DOT1L: variants seen among roughly 807,000 people sequenced by gnomAD.
DOT1L encodes the protein histone-lysine N-methyltransferase, H3 lysine-79 specific.
DOT1L carries 33 observed loss-of-function variants against 153.3 expected under a neutral mutation model. The observed-to-expected ratio is 0.22, with a 90% confidence interval of 0.16 to 0.29. The LOEUF (loss-of-function observed/expected upper bound fraction) is 0.29, where lower values mean the gene tolerates loss of function less well. DOT1L is among the 10% of genes least tolerant of loss of function. The pLI, the probability that DOT1L is intolerant of heterozygous loss-of-function variation, is 1.00. For missense variants in DOT1L, 1,847 were observed against 2,119.9 expected, an observed-to-expected ratio of 0.87 and a Z score of 2.53; for synonymous variants, 1,135 against 965.1, an observed-to-expected ratio of 1.18 and a Z score of -3.26.
Position 2,210,424 on chromosome 19 carries a change from C to T in DOT1L, c.1030C>T (p.Arg344Cys). The T allele has an allele frequency of 3.2e-6, 5 of 1,553,756 alleles. No homozygotes were observed. The highest frequency in any genetic ancestry group is 4.3e-6 in the Non-Finnish European group (5 of 1,152,802). Residue 344 changes from arginine to cysteine, a missense_variant, in exon 13 of 28, where the codon CGC (arginine) becomes TGC (cysteine). Transcript: ENST00000398665. ...GGAGGAACAGGAGGCAGCCCGGCGC[C>T]GCCAGCAGCGCGAGAGCAAGAGCAA... ...LREEQEAARR[R>C]QQRESKSNAA...
In DOT1L at chr19:2,214,527, G is replaced by A; in HGVS notation, c.1854G>A (p.Lys618=). ...ACTGGGCCACGCTGTCGCTGGAGAA[G>A]CTGTTGAAGGAGAAGCAGGCCCTGA... is the stretch of plus-strand genomic sequence containing the variant. ...QLDWATLSLE[K]LLKEKQALKS... The change falls in exon 19 of 28, where the codon AAG becomes AAA. Residue 618 remains lysine (K), a synonymous_variant. Transcript: ENST00000398665. 6.2e-7 allele frequency: 1 copy of A among 1,613,278 alleles called. No homozygotes were observed. The highest frequency in any genetic ancestry group is 8.5e-7 in the Non-Finnish European group (1 of 1,179,938).
Position 2,230,025 on chromosome 19 carries a change from T to G in DOT1L, c.*233T>G, listed in dbSNP as rs2024530069. ...TCATTTTTTAAAAAGTATAAACAAT[T>G]CTGACTTATTTTATTCCATCTAAGT... On this transcript the variant is annotated 3_prime_UTR_variant, in exon 28 of 28. Transcript: ENST00000398665. The G allele has an allele frequency of 1.5e-6, 1 of 677,964 alleles. No individual in the cohort carries two copies. Among genetic ancestry groups the G allele is most frequent in the Non-Finnish European group, 2.4e-6 (1 of 412,672 alleles). 42.0% of individuals were successfully genotyped at this position (677,964 alleles called of 1,614,324 possible). A position where few individuals can be genotyped will look rare whatever the true frequency, so the allele number is the denominator to read the frequency against.
At chr19:2,199,031 C>T (rs908622016) in intron 7 of DOT1L, among the ~76,000 whole-genome samples, 11 of 152,148 alleles carry the variant, frequency 7.2e-5, no homozygotes, top group East Asian at 5.8e-4. Context: ...CATTTGTGTC[C>T]GGGCTTTTGT....
intron 1 of DOT1L, among the ~76,000 whole-genome samples, chr19:2,172,459 G>A (rs1406775256): frequency 6.6e-6 from 1 of 151,008 alleles, no homozygotes; most frequent in Non-Finnish European, 1.5e-5. Flanking sequence ...AAAGTGCTGG[G>A]ATCACAGGTG....
At chr19:2,214,929 C>T (rs1269651710) in intron 19 of DOT1L, among the ~76,000 whole-genome samples, 2 of 152,166 alleles carry the variant, frequency 1.3e-5, no homozygotes, top group South Asian at 2.1e-4. Flanking sequence ...ATTAGAAAAA[C>T]AGCTGGATCG....
chr19:2,223,613 G>A (rs1032635221), intron 25 of DOT1L, 127 bp downstream of exon 25: 8 of 1,109,760 alleles, frequency 7.2e-6, no homozygotes, highest in African/African-American at 3.2e-5. Context: ...CTGGATGGGA[G>A]GAAGGCGTCT....
In DOT1L at chr19:2,190,458, A is replaced by G. The variant is rs888922053; in HGVS notation, c.265-554A>G. Among the ~76,000 whole-genome samples, 1 of 151,994 alleles carries G rather than the reference A, an allele frequency of 6.6e-6. No individual in the cohort carries two copies. Among genetic ancestry groups the G allele is most frequent in the Admixed American group, 6.6e-5 (1 of 15,260 alleles). On this transcript the variant is annotated intron_variant, in intron 4 of 27. Transcript: ENST00000398665. The surrounding 1 kb of genome is among the most constrained non-coding windows in gnomAD (Gnocchi z 4.8). ...CTGGGCTGGGCTGGGCTGCCCCATCAGCCTGCCACCCGGCTCTGGCTTCCC... is the reference window on the plus strand; with the variant it reads ...CTGGGCTGGGCTGGGCTGCCCCATCGGCCTGCCACCCGGCTCTGGCTTCCC...
intron 1 of DOT1L, among the ~76,000 whole-genome samples, chr19:2,175,293 G>A (rs1487683266): frequency 1.3e-5 from 2 of 151,952 alleles, no homozygotes; most frequent in Non-Finnish European, 2.9e-5. Flanking sequence ...GAGCCATGGC[G>A]CCTGGCCGAT....
rs143343585 is a variant in DOT1L at position 2,167,823 on chromosome 19, C to A, written c.81+3558C>A. On this transcript the variant is annotated intron_variant, in intron 1 of 27. Transcript: ENST00000398665. ...CAATCTCCACTCACTGCAAGCTCCG[C>A]CTCCCAGGTTTCAGTGATTCTCCTG... Among the ~76,000 whole-genome samples the A allele has an allele frequency of 6.3e-4, 96 of 151,820 alleles. 1 individual carries two copies. The East Asian group carries it at 0.017, about 27-fold the overall frequency.
intron 1 of DOT1L, among the ~76,000 whole-genome samples, chr19:2,167,117 T>C (rs954600564): frequency 6.6e-5 from 10 of 152,212 alleles, no homozygotes; most frequent in Non-Finnish European, 4.4e-5. Flanking sequence ...GACTGTGGGC[T>C]GTTTCCAATT....
In DOT1L at chr19:2,227,008, C is replaced by T. The variant is rs2144938796; in HGVS notation, c.4487C>T (p.Ser1496Leu). The T allele has an allele frequency of 6.3e-7, 1 of 1,591,934 alleles. No homozygotes were observed. The highest frequency in any genetic ancestry group is 8.5e-7 in the Non-Finnish European group (1 of 1,176,650). The change falls in exon 27 of 28, where the codon TCG (serine) becomes TTG (leucine). Residue 1496 changes from serine (S) to leucine (L), a missense_variant. This residue lies in a region of DOT1L where 934 missense variants were observed against 825.3 expected (regional missense o/e 1.13). Transcript: ENST00000398665. ...GTGGCCGGCTCCTCCGTGCTGCAGTCGCTGTTCAGCTCTGTGCCGGCCGCC... is the reference window on the plus strand; with the variant it reads ...GTGGCCGGCTCCTCCGTGCTGCAGTTGCTGTTCAGCTCTGTGCCGGCCGCC... ...GSVAGSSVLQ[S>L]LFSSVPAAAG...
intron 1 of DOT1L, among the ~76,000 whole-genome samples, chr19:2,179,092 G>T (rs1328280656): frequency 6.6e-6 from 1 of 152,060 alleles, no homozygotes; most frequent in East Asian, 1.9e-4. Context: ...GTCTCCTATG[G>T]TCTGGCCTTT....
chr19:2,208,836 C>T lies in DOT1L; in HGVS notation c.964-99C>T, dbSNP rs546392271. ...TCCCCAGATACCAGAACAGCCTCCC[C>T]AGCCACTGTCCAGGTTGCTGTTGTT... On this transcript the variant is annotated intron_variant, in intron 11 of 27. Transcript: ENST00000398665. This position sits in a 1 kb window ranked among gnomAD's most constrained non-coding sequence, Gnocchi z 4.4. The T allele has an allele frequency of 1.2e-5, 15 of 1,267,784 alleles. No individual in the cohort carries two copies. The South Asian group carries it at 1.2e-4, about 10-fold the overall frequency. 78.5% of individuals were successfully genotyped at this position (1,267,784 alleles called of 1,614,324 possible).
At chr19:2,181,874 C>G (rs1316155943) in intron 2 of DOT1L, among the ~76,000 whole-genome samples, 1 of 152,210 alleles carries the variant, frequency 6.6e-6, no homozygotes, top group Non-Finnish European at 1.5e-5. Flanking sequence ...GGGGCCAAGA[C>G]TCTGCTGGCG....
intron 8 of DOT1L, 147 bp downstream of exon 8, chr19:2,200,086 C>A: frequency 9.3e-7 from 1 of 1,074,622 alleles, no homozygotes; most frequent in Non-Finnish European, 1.3e-6. Flanking sequence ...GGGCGCCTTT[C>A]CCTCACGCTG....
At chr19:2,210,591 C>G (rs2023672317) in intron 13 of DOT1L, 30 bp from the exon 14 acceptor site, 1 of 1,606,004 alleles carries the variant, frequency 6.2e-7, no homozygotes. Context: ...GGCTCTGTGC[C>G]CATCCCTGTT....
chr19:2,216,609 C>A lies in DOT1L; in HGVS notation c.2252C>A (p.Thr751Asn), dbSNP rs1245607091. The change falls in exon 20 of 28, where the codon ACC becomes AAC. Residue 751 changes from threonine to asparagine, a missense_variant. Physicochemically the swap from Thr to Asn is moderately conservative, Grantham distance 65. Transcript: ENST00000398665. ...SPLDQEVVPC[T>N]PSHVGRPRLE... ...CTGGACCAGGAGGTGGTGCCCTGTA[C>A]CCCTAGCCACGTCGGCCGGCCGCGC... The A allele has an allele frequency of 1.2e-6, 2 of 1,607,162 alleles. No individual in the cohort carries two copies. The highest frequency in any genetic ancestry group is 4.5e-5 in the East Asian group (2 of 44,892).
At chr19:2,214,038 G>A (rs1289631253) in intron 18 of DOT1L, 52 bp downstream of exon 18, 32 of 1,579,162 alleles carry the variant, frequency 2.0e-5, no homozygotes, top group Non-Finnish European at 2.7e-5. Flanking sequence ...GGCCCTGCCT[G>A]GGCGGGTGTG....
At chr19:2,203,959 T>G (rs536592262) in intron 9 of DOT1L, among the ~76,000 whole-genome samples, 4 of 152,276 alleles carry the variant, frequency 2.6e-5, no homozygotes, top group Admixed American at 2.6e-4. Flanking sequence ...CCACCTGTCC[T>G]CTCTAGGGAG....
Sources: gnomAD v4.1 joint callset for allele counts (sites outside exome capture counted in the v4.1 genomes callset) on GRCh38, gnomAD v4.1.1 for gene constraint, gnomAD v4.1.1 regional missense constraint, Gnocchi (gnomAD v3.1) non-coding constraint, MANE v1.5 for transcripts, NCBI Gene and HGNC (gene_info 2026-07-23, HGNC 2026-07-21) for gene names.